Variants in FOXJ3 observed in about 807,000 individuals in gnomAD.
The protein encoded by FOXJ3 is forkhead box protein J3.
Under a neutral mutation model 76.1 loss-of-function variants are expected in FOXJ3, and 22 were observed. That is an observed-to-expected ratio of 0.29 (90% CI 0.21 to 0.41). The LOEUF (loss-of-function observed/expected upper bound fraction) is 0.41, where lower values mean the gene tolerates loss of function less well. Ranked by LOEUF, FOXJ3 falls within the 10% of genes least tolerant of loss-of-function variation. FOXJ3 has a pLI of 1.00. For missense variants in FOXJ3, 613 were observed against 762.1 expected (o/e 0.80, Z 2.30); for synonymous variants, 269 against 261.2 (o/e 1.03, Z -0.29).
intron 2 of FOXJ3, among the ~76,000 whole-genome samples, chr1:42,306,487 C>T (rs879771313): frequency 2.4e-4 from 37 of 151,614 alleles, no homozygotes; most frequent in African/African-American, 5.8e-4. Flanking sequence ...TATTTTTAGT[C>T]GAGACGGGGT....
chr1:42,327,680 C>A (rs902530599), intron 1 of FOXJ3, among the ~76,000 whole-genome samples: 12 of 151,916 alleles, frequency 7.9e-5, no homozygotes, highest in Non-Finnish European at 1.8e-4. Context: ...TGTCAAAGGT[C>A]AGGTCCCAAT....
chr1:42,191,544 C>G lies in FOXJ3; in HGVS notation c.1110G>C (p.Leu370=), dbSNP rs748410754. 1.2e-6 allele frequency: 2 copies of G among 1,614,088 alleles called. No individual in the cohort carries two copies. The highest frequency in any genetic ancestry group is 4.5e-5 in the East Asian group (2 of 44,876). The change falls in exon 9 of 13, where the codon CTG becomes CTC. Residue 370 remains leucine (L), a synonymous_variant. Transcript: ENST00000361346. ...GCTGTGTGTGCATCTGGGGGTGAGACAGTGAGACCTGTGCAACCGAATTAC... is the reference window on the plus strand; with the variant it reads ...GCTGTGTGTGCATCTGGGGGTGAGAGAGTGAGACCTGTGCAACCGAATTAC... The part of the protein sequence containing the change: ...TGSNSVAQVS[L]SHPQMHTQPS...
At chr1:42,239,552 A>T (rs1166416505) in intron 4 of FOXJ3, among the ~76,000 whole-genome samples, 1 of 152,194 alleles carries the variant, frequency 6.6e-6, no homozygotes, top group Non-Finnish European at 1.5e-5. Flanking sequence ...AAAATGGACA[A>T]CATCTTTTGA....
chr1:42,304,055 G>T (rs12407724), intron 2 of FOXJ3, among the ~76,000 whole-genome samples: 111,335 of 151,990 alleles, frequency 0.73, 40,968 homozygotes, highest in Admixed American at 0.81. Context: ...CTACTAGAAC[G>T]GACAGCTGCA....
intron 11 of FOXJ3, among the ~76,000 whole-genome samples, chr1:42,183,861 A>C (rs1170585913): frequency 6.6e-6 from 1 of 152,034 alleles, no homozygotes; most frequent in African/African-American, 2.4e-5. Flanking sequence ...GCAGATAGGG[A>C]AACAGGGACA....
intron 2 of FOXJ3, among the ~76,000 whole-genome samples, chr1:42,295,110 TG>T (rs901286963): frequency 2.8e-4 from 43 of 152,218 alleles, no homozygotes; most frequent in African/African-American, 9.6e-4. Context: ...GTTTGTTACA[TG>T]GGTATATTGC....
chr1:42,281,495 TAA>T (rs1219360513), intron 2 of FOXJ3, among the ~76,000 whole-genome samples: 2 of 152,172 alleles, frequency 1.3e-5, no homozygotes, highest in Non-Finnish European at 2.9e-5. Context: ...CCATCATGTG[TAA>T]AAATTATTCC....
chr1:42,194,682 T>C (rs554714093), intron 8 of FOXJ3, among the ~76,000 whole-genome samples: 2 of 152,290 alleles, frequency 1.3e-5, no homozygotes, highest in East Asian at 1.9e-4. Context: ...AACAAGTAAG[T>C]AGGCATGCAA....
intron 1 of FOXJ3, among the ~76,000 whole-genome samples, chr1:42,328,676 ATTTTTTTTTTTTT>A (rs35507698): frequency 8.7e-6 from 1 of 115,114 alleles, no homozygotes; most frequent in Non-Finnish European, 1.8e-5. Flanking sequence ...TACTTATCCT[ATTTTTTTTTTTTT>A]TTTTTTTTGA....
rs116682955 is a variant in FOXJ3 at position 42,333,564 on chromosome 1, T to C, written c.-18+1495A>G. On this transcript the variant is annotated intron_variant, in intron 1 of 12. Transcript: ENST00000361346. ...AAAAAACTTAATCACGTCTATATAA[T>C]ATATACCACTCAGAAAAAGAGAGGA... 3.7e-3 allele frequency among the ~76,000 whole-genome samples: 568 copies of C among 152,240 alleles called. 6 individuals are homozygous for C. Among genetic ancestry groups the C allele is most frequent in the African/African-American group, 0.013 (546 of 41,560 alleles).
chr1:42,263,891 C>T (rs1570097278), intron 4 of FOXJ3, among the ~76,000 whole-genome samples: 1 of 136,540 alleles, frequency 7.3e-6, no homozygotes, highest in Admixed American at 7.5e-5. Flanking sequence ...AGATAACTAA[C>T]AAAGAGCTTG....
intron 5 of FOXJ3, among the ~76,000 whole-genome samples, chr1:42,221,907 G>A (rs1647193877): frequency 7.6e-6 from 1 of 130,770 alleles, no homozygotes; most frequent in African/African-American, 2.9e-5. Flanking sequence ...GAGCCCAGGA[G>A]TTTGAGACCA....
chr1:42,196,212 T>A (rs1646647916), intron 7 of FOXJ3, among the ~76,000 whole-genome samples: 1 of 152,170 alleles, frequency 6.6e-6, no homozygotes, highest in African/African-American at 2.4e-5. Flanking sequence ...TCACGTGGGA[T>A]GTAGGGAGCT....
At chr1:42,237,535 G>T (rs567898137) in intron 4 of FOXJ3, among the ~76,000 whole-genome samples, 2 of 149,810 alleles carry the variant, frequency 1.3e-5, no homozygotes, top group African/African-American at 4.9e-5. Flanking sequence ...CGAATAACGA[G>T]TCATTTCTAT....
At chr1:42,221,227 T>C (rs1413233261) in intron 5 of FOXJ3, among the ~76,000 whole-genome samples, 3 of 152,202 alleles carry the variant, frequency 2.0e-5, no homozygotes, top group African/African-American at 4.8e-5. Flanking sequence ...CTGAGTTTTA[T>C]TATGAACACA....
intron 4 of FOXJ3, among the ~76,000 whole-genome samples, chr1:42,238,909 T>C (rs1464031521): frequency 6.6e-6 from 1 of 152,198 alleles, no homozygotes; most frequent in East Asian, 1.9e-4. Flanking sequence ...GTATCTAACA[T>C]TGAGTCTTCC....
intron 2 of FOXJ3, among the ~76,000 whole-genome samples, chr1:42,310,151 T>G (rs1286047478): frequency 6.7e-6 from 1 of 148,550 alleles, no homozygotes; most frequent in Non-Finnish European, 1.5e-5. Context: ...AGGTTTAGGT[T>G]TTTTTTTTTT....
chr1:42,259,668 T>C (rs563040018), intron 4 of FOXJ3, among the ~76,000 whole-genome samples: 1 of 152,254 alleles, frequency 6.6e-6, no homozygotes, highest in African/African-American at 2.4e-5. Flanking sequence ...CTAACCTTGG[T>C]TTGTCTAATG....
chr1:42,191,721 TA>T lies in FOXJ3; in HGVS notation c.935-3del. 6.2e-7 allele frequency: 1 copy of T among 1,605,870 alleles called. No homozygotes were observed. Among genetic ancestry groups the T allele is most frequent in the Non-Finnish European group, 8.5e-7 (1 of 1,173,088 alleles). ...ATTCAGAAGGGATGTTCATCAAACC[TA>T]AAAACAAAGCAAGATCATTTATGGT... On this transcript the variant is annotated splice_polypyrimidine_tract_variant and splice_region_variant and intron_variant, in intron 8 of 12. Transcript: ENST00000361346.
Sources: gnomAD v4.1 joint callset for allele counts (sites outside exome capture counted in the v4.1 genomes callset) on GRCh38, gnomAD v4.1.1 for gene constraint, MANE v1.5 for transcripts, NCBI Gene and HGNC (gene_info 2026-07-23, HGNC 2026-07-21) for gene names.